MFHAS1: variants seen among roughly 807,000 people sequenced by gnomAD.
The protein encoded by MFHAS1 is malignant fibrous histiocytoma-amplified sequence 1.
In MFHAS1, 50 loss-of-function variants were observed where a neutral mutation model predicts 70.4. The ratio of observed to expected loss-of-function variants is 0.71; its 90% confidence interval spans 0.57 to 0.90. MFHAS1 has a LOEUF of 0.90. MFHAS1 is among the 40% of genes least tolerant of loss of function. The pLI, the probability that MFHAS1 is intolerant of heterozygous loss-of-function variation, is 0.00. For missense variants in MFHAS1, 1,795 were observed against 1,347.6 expected, an observed-to-expected ratio of 1.33 and a Z score of -5.20; for synonymous variants, 952 against 620.0, an observed-to-expected ratio of 1.54 and a Z score of -7.96.
intron 1 of MFHAS1, among the ~76,000 whole-genome samples, chr8:8,823,688 C>T (rs774041952): frequency 5.6e-4 from 84 of 150,648 alleles, no homozygotes; most frequent in Non-Finnish European, 1.2e-3. Flanking sequence ...CTAATTCTCC[C>T]GTCTTCAGTC....
chr8:8,790,598 C>A (rs1385407109), intron 2 of MFHAS1, among the ~76,000 whole-genome samples: 1 of 152,238 alleles, frequency 6.6e-6, no homozygotes, highest in African/African-American at 2.4e-5. Context: ...AAACACCCCA[C>A]AGGCAACCTC....
chr8:8,791,297 C>T (rs1364313299), intron 2 of MFHAS1, among the ~76,000 whole-genome samples: 1 of 152,080 alleles, frequency 6.6e-6, no homozygotes, highest in East Asian at 1.9e-4. Context: ...TGACACATGC[C>T]CATTTCCTGT....
intron 1 of MFHAS1, among the ~76,000 whole-genome samples, chr8:8,828,677 C>T (rs145762116): frequency 4.4e-4 from 67 of 152,320 alleles, no homozygotes; most frequent in African/African-American, 1.5e-3. Flanking sequence ...ACTGGAGATG[C>T]CCACTGCCCA....
chr8:8,826,059 T>G (rs755490547), intron 1 of MFHAS1, among the ~76,000 whole-genome samples: 4 of 152,200 alleles, frequency 2.6e-5, no homozygotes, highest in Non-Finnish European at 5.9e-5. Context: ...GTTGTCAGCT[T>G]CCTATCAACT....
intron 1 of MFHAS1, among the ~76,000 whole-genome samples, chr8:8,873,146 A>T (rs1450077112): frequency 6.6e-6 from 1 of 152,198 alleles, no homozygotes; most frequent in East Asian, 1.9e-4. Flanking sequence ...TCACATTTCT[A>T]TTTTTAGTTC....
chr8:8,815,489 T>G (rs1563186497), intron 1 of MFHAS1, among the ~76,000 whole-genome samples: 2 of 152,218 alleles, frequency 1.3e-5, no homozygotes, highest in African/African-American at 4.8e-5. Context: ...ACCAACAGTG[T>G]AAAAGCATTC....
intron 1 of MFHAS1, among the ~76,000 whole-genome samples, chr8:8,837,813 T>C (rs560874825): frequency 6.6e-6 from 1 of 152,302 alleles, no homozygotes; most frequent in African/African-American, 2.4e-5. Flanking sequence ...GGAACTCTTG[T>C]GCACTGTGGG....
intron 1 of MFHAS1, among the ~76,000 whole-genome samples, chr8:8,861,832 C>T (rs1048702594): frequency 6.6e-6 from 1 of 152,168 alleles, no homozygotes; most frequent in Non-Finnish European, 1.5e-5. Context: ...AATATGTACT[C>T]GACTGGCTTC....
At chr8:8,868,196 C>T (rs971372481) in intron 1 of MFHAS1, among the ~76,000 whole-genome samples, 1 of 151,962 alleles carries the variant, frequency 6.6e-6, no homozygotes, top group African/African-American at 2.4e-5. Flanking sequence ...CTGGAAACTC[C>T]TGCTTTATGA....
chr8:8,796,297 A>G (rs1805891161), intron 2 of MFHAS1, among the ~76,000 whole-genome samples: 1 of 152,210 alleles, frequency 6.6e-6, no homozygotes, highest in Non-Finnish European at 1.5e-5. Context: ...ATGCAACAGA[A>G]AACGGCCTAT....
In MFHAS1 at chr8:8,891,772, G is replaced by A. The variant is rs1252933305; in HGVS notation, c.1287C>T (p.Leu429=). The A allele has an allele frequency of 6.2e-7, 1 of 1,613,330 alleles. No individual in the cohort carries two copies. Among genetic ancestry groups the A allele is most frequent in the South Asian group, 1.1e-5 (1 of 91,074 alleles). The change falls in exon 1 of 3, where the codon CTC becomes CTT. Residue 429 remains leucine (L), a synonymous_variant. Coordinates refer to ENST00000276282, the MANE Select transcript of MFHAS1 (RefSeq NM_004225.3). This position sits in a 1 kb window ranked among gnomAD's most constrained non-coding sequence, Gnocchi z 5.4. The stretch of plus-strand genomic sequence containing the variant: ...GGCATCCCTCCACTCTCTCCTCGGT[G>A]AGGCAGTGGCGCAGCAAAGTCTTTC... ...AAGKTLLRHC[L]TEERVEGCPG...
rs1256461335 is a variant in MFHAS1, at chr8:8,892,513, G to A, written c.546C>T (p.Arg182=). 6.2e-7 allele frequency: 1 copy of A among 1,602,408 alleles called. No homozygotes were observed. The highest frequency in any genetic ancestry group is 1.7e-5 in the Admixed American group (1 of 57,736). The part of the protein sequence containing the change: ...HLPDSLSCLS[R]LRTLDVDHNQ... ...TGTGATCCACGTCCAGGGTGCGCAG[G>A]CGGGAGAGGCAGGAGAGGGAGTCAG... The change falls in exon 1 of 3, where the codon CGC becomes CGT. Residue 182 remains arginine, a synonymous_variant. Transcript: ENST00000276282. This position sits in a 1 kb window ranked among gnomAD's most constrained non-coding sequence, Gnocchi z 4.7.
chr8:8,813,290 A>G (rs1328203115), intron 1 of MFHAS1, among the ~76,000 whole-genome samples: 1 of 152,204 alleles, frequency 6.6e-6, no homozygotes, highest in Non-Finnish European at 1.5e-5. Context: ...CGACTATGTT[A>G]CTGGATTATG....
intron 1 of MFHAS1, among the ~76,000 whole-genome samples, chr8:8,843,356 G>A (rs1383265311): frequency 6.6e-6 from 1 of 151,972 alleles, no homozygotes; most frequent in Non-Finnish European, 1.5e-5. Flanking sequence ...GGCTCAGGTG[G>A]GCAAATCACT....
intron 1 of MFHAS1, among the ~76,000 whole-genome samples, chr8:8,864,208 A>C (rs1453032406): frequency 6.6e-6 from 1 of 152,172 alleles, no homozygotes; most frequent in Non-Finnish European, 1.5e-5. Context: ...CAGGACCTAA[A>C]CCAAATCTCT....
chr8:8,879,466 T>C (rs1809426037), intron 1 of MFHAS1, among the ~76,000 whole-genome samples: 1 of 152,200 alleles, frequency 6.6e-6, no homozygotes, highest in Admixed American at 6.5e-5. Flanking sequence ...TTTTCCAGCA[T>C]CCTCACAAGT....
At chr8:8,889,216 T>C (rs1809891603) in intron 1 of MFHAS1, among the ~76,000 whole-genome samples, 1 of 152,038 alleles carries the variant, frequency 6.6e-6, no homozygotes, top group Non-Finnish European at 1.5e-5. Context: ...GCTTAACACT[T>C]ACCAAAAAAC....
At position 8,890,479 on chromosome 8, in the gene MFHAS1, A is replaced by G. The variant is rs1470998340; in HGVS notation, c.2580T>C (p.His860=). 1.2e-6 allele frequency: 2 copies of G among 1,613,748 alleles called. No individual in the cohort carries two copies. Among genetic ancestry groups the G allele is most frequent in the Admixed American group, 1.7e-5 (1 of 59,996 alleles). ...FPCYVQNEVP[H]AEAWINGTNL... ...TGGTCCCATTAATCCAGGCTTCTGCATGGGGCACCTCGTTCTGCACATAGC... is the reference window on the plus strand; with the variant it reads ...TGGTCCCATTAATCCAGGCTTCTGCGTGGGGCACCTCGTTCTGCACATAGC... Residue 860 remains histidine (H), a synonymous_variant, in exon 1 of 3, where the codon CAT becomes CAC. Transcript: ENST00000276282.
intron 1 of MFHAS1, among the ~76,000 whole-genome samples, chr8:8,845,979 AC>A (rs1422890519): frequency 6.6e-6 from 1 of 152,088 alleles, no homozygotes; most frequent in African/African-American, 2.4e-5. Context: ...TGGGCCTGGC[AC>A]AGTGGCTAAC....
Sources: gnomAD v4.1 joint callset for allele counts (sites outside exome capture counted in the v4.1 genomes callset) on GRCh38, gnomAD v4.1.1 for gene constraint, Gnocchi (gnomAD v3.1) non-coding constraint, MANE v1.5 for transcripts, NCBI Gene and HGNC (gene_info 2026-07-23, HGNC 2026-07-21) for gene names.